IL1RAPL2: variants seen among roughly 807,000 people sequenced by gnomAD.
IL1RAPL2 encodes the protein X-linked interleukin-1 receptor accessory protein-like 2.
IL1RAPL2 carries 3 observed loss-of-function variants against 44.1 expected under a neutral mutation model. That is an observed-to-expected ratio of 0.07 (90% confidence interval 0.03 to 0.18). The LOEUF is 0.18. IL1RAPL2 is among the 10% of genes least tolerant of loss of function. The pLI is 1.00. For synonymous variants in IL1RAPL2, 181 were observed against 178.8 expected (o/e 1.01, Z -0.10); for missense variants, 391 against 496.4 (o/e 0.79, Z 2.02).
At chrX:105,678,118 AAGAG>A (rs2037889020) in intron 6 of IL1RAPL2, among the ~76,000 whole-genome samples, 1 of 112,287 alleles carries the variant, frequency 8.9e-6, no homozygotes, top group Non-Finnish European at 1.9e-5. Flanking sequence ...ATAATAAAAA[AAGAG>A]AGAAAACACA....
At chrX:104,824,766 T>C (rs1921404824) in intron 2 of IL1RAPL2, among the ~76,000 whole-genome samples, 1 of 112,044 alleles carries the variant, frequency 8.9e-6, no homozygotes, top group African/African-American at 3.2e-5. Context: ...GTCTATTTGA[T>C]TCTTCTCTCT....
chrX:105,159,703 G>A (rs1265244479), intron 2 of IL1RAPL2, among the ~76,000 whole-genome samples: 2 of 111,657 alleles, frequency 1.8e-5, no homozygotes, highest in Non-Finnish European at 3.8e-5. Context: ...CCATTTGGGG[G>A]CAGACATGTA....
intron 4 of IL1RAPL2, among the ~76,000 whole-genome samples, chrX:105,258,757 T>C (rs896980354): frequency 2.7e-5 from 3 of 112,210 alleles, no homozygotes; most frequent in Non-Finnish European, 3.8e-5. Context: ...AATTCTTGTA[T>C]TGTGTTATTT....
chrX:104,946,628 A>C (rs1426736418), intron 2 of IL1RAPL2, among the ~76,000 whole-genome samples: 1 of 86,872 alleles, frequency 1.2e-5, no homozygotes, highest in Non-Finnish European at 2.2e-5. Context: ...ATGTGTTCTC[A>C]TTGTTCAATT....
intron 2 of IL1RAPL2, among the ~76,000 whole-genome samples, chrX:104,893,916 G>A (rs1446935077): frequency 2.7e-5 from 3 of 111,857 alleles, no homozygotes; most frequent in Non-Finnish European, 3.8e-5. Context: ...TTTTTGCAGT[G>A]GCTGGTACCG....
At chrX:105,018,571 A>T (rs770435025) in intron 2 of IL1RAPL2, among the ~76,000 whole-genome samples, 2 of 111,486 alleles carry the variant, frequency 1.8e-5, no homozygotes, top group Non-Finnish European at 3.8e-5. Context: ...TTCCATAATC[A>T]CACGAATCAC....
chrX:105,343,448 A>G (rs1000871971), intron 5 of IL1RAPL2, among the ~76,000 whole-genome samples: 3 of 111,967 alleles, frequency 2.7e-5, no homozygotes, highest in Non-Finnish European at 3.8e-5. Context: ...ACAATTTTGT[A>G]TGGTGCTTTT....
chrX:104,596,199 A>G (rs1160836455), intron 1 of IL1RAPL2, among the ~76,000 whole-genome samples: 1 of 111,771 alleles, frequency 8.9e-6, no homozygotes, highest in Non-Finnish European at 1.9e-5. Flanking sequence ...AATTTGAAGT[A>G]ATAGGTGAAC....
intron 2 of IL1RAPL2, among the ~76,000 whole-genome samples, chrX:105,040,427 T>C (rs377488080): frequency 9.0e-6 from 1 of 111,694 alleles, no homozygotes; most frequent in African/African-American, 3.3e-5. Flanking sequence ...CCTCTTTTTC[T>C]ATTGATTGGA....
In IL1RAPL2 at chrX:105,665,472, A is replaced by G. The variant is rs750085225; in HGVS notation, c.773-51895A>G. ...GACAACTTACAGGAGAAAACCTGTT[A>G]CCTCTTTATGGATGGAATTTTAAAA... On this transcript the variant is annotated intron_variant, in intron 6 of 10. Transcript: ENST00000372582. Among the ~76,000 whole-genome samples, 16 of 110,365 alleles carry G rather than the reference A, an allele frequency of 1.4e-4. No homozygotes were observed. The South Asian group carries it at 6.2e-3, about 43-fold the overall frequency.
At chrX:105,438,794 C>A (rs888346517) in intron 5 of IL1RAPL2, among the ~76,000 whole-genome samples, 2 of 110,116 alleles carry the variant, frequency 1.8e-5, no homozygotes, top group Non-Finnish European at 1.9e-5. Context: ...TGATGCAGTC[C>A]TCAGGTTCAT....
intron 5 of IL1RAPL2, among the ~76,000 whole-genome samples, chrX:105,313,424 C>T (rs764836883): frequency 8.9e-6 from 1 of 111,848 alleles, no homozygotes; most frequent in East Asian, 2.8e-4. Context: ...CATCAGGACT[C>T]GATCCTTTCC....
intron 2 of IL1RAPL2, among the ~76,000 whole-genome samples, chrX:104,737,991 G>T (rs1932044387): frequency 1.8e-5 from 2 of 111,986 alleles, no homozygotes. Flanking sequence ...TGCTTGTTCT[G>T]ATCTTCTAGT....
chrX:105,463,364 G>A lies in IL1RAPL2; in HGVS notation c.698-20949G>A, dbSNP rs143812357. ...GCTCTTGCCTTCGTTTGAAGGAATTGTATTATTGATTTGATAATCTTCCCA... is the reference window on the plus strand; with the variant it reads ...GCTCTTGCCTTCGTTTGAAGGAATTATATTATTGATTTGATAATCTTCCCA... On this transcript the variant is annotated intron_variant, in intron 5 of 10. Coordinates refer to ENST00000372582, the MANE Select transcript of IL1RAPL2 (RefSeq NM_017416.2). 8.0e-3 allele frequency among the ~76,000 whole-genome samples: 894 copies of A among 111,423 alleles called. 8 individuals carry two copies. Among genetic ancestry groups the A allele is most frequent in the Non-Finnish European group, 0.014 (721 of 52,963 alleles).
At chrX:104,988,354 G>T (rs1864705387) in intron 2 of IL1RAPL2, among the ~76,000 whole-genome samples, 1 of 112,299 alleles carries the variant, frequency 8.9e-6, no homozygotes, top group Admixed American at 9.4e-5. Context: ...AATTGGGGGT[G>T]ATTATAGTTA....
chrX:104,772,433 A>C (rs957462841), intron 2 of IL1RAPL2, among the ~76,000 whole-genome samples: 9 of 112,328 alleles, frequency 8.0e-5, no homozygotes, highest in Admixed American at 3.8e-4. Context: ...TCATTGATAC[A>C]GTGGTTTTAA....
At chrX:105,078,297 A>G (rs2032343334) in intron 2 of IL1RAPL2, among the ~76,000 whole-genome samples, 1 of 111,312 alleles carries the variant, frequency 9.0e-6, no homozygotes, top group Admixed American at 9.5e-5. Context: ...CTGGAGGTCC[A>G]CTCCAGACCC....
chrX:105,422,464 G>C (rs1293281479), intron 5 of IL1RAPL2, among the ~76,000 whole-genome samples: 3 of 112,047 alleles, frequency 2.7e-5, no homozygotes, highest in Non-Finnish European at 3.8e-5. Context: ...AAAATAACCA[G>C]TTTCTCCAAT....
chrX:104,652,957 T>C (rs1162186204), intron 1 of IL1RAPL2, among the ~76,000 whole-genome samples: 2 of 110,910 alleles, frequency 1.8e-5, no homozygotes, highest in African/African-American at 6.6e-5. Flanking sequence ...CTTTCCCCTG[T>C]GCCTGTTTTG....
Sources: allele counts gnomAD v4.1 joint callset (sites outside exome capture counted in the v4.1 genomes callset), GRCh38; gene constraint gnomAD v4.1.1; transcripts MANE v1.5; gene names NCBI Gene and HGNC (gene_info 2026-07-23, HGNC 2026-07-21).